PYCR2: variants seen among roughly 807,000 people sequenced by gnomAD.
PYCR2 encodes the protein pyrroline-5-carboxylate reductase 2, also known as P5C reductase 2.
PYCR2 carries 17 observed loss-of-function variants against 23.4 expected under a neutral mutation model. The observed-to-expected ratio is 0.73, with a 90% CI of 0.50 to 1.09. The LOEUF (loss-of-function observed/expected upper bound fraction) is 1.09, where lower values mean the gene tolerates loss of function less well. Ranked by LOEUF, PYCR2 falls within the 50% of genes least tolerant of loss-of-function variation. The pLI is 0.00. For synonymous variants in PYCR2, 172 were observed against 176.6 expected (o/e 0.97, Z 0.21); for missense variants, 380 against 423.5 (o/e 0.90, Z 0.90).
chr1:225,923,544 C>T (rs914219767), intron 2 of PYCR2, 157 bp downstream of exon 2: 1 of 1,480,320 alleles, frequency 6.8e-7, no homozygotes, highest in Non-Finnish European at 9.0e-7. Flanking sequence ...ATTGAGCTGC[C>T]CAAGAGAAGG....
intron 6 of PYCR2, among the ~76,000 whole-genome samples, chr1:225,920,867 G>A (rs141042625): frequency 7.9e-5 from 12 of 152,224 alleles, no homozygotes; most frequent in Non-Finnish European, 7.4e-5. Flanking sequence ...GTGATCACAC[G>A]GGAAGAGTGA....
In PYCR2 at chr1:225,922,270, G is replaced by C. The variant is rs532086186; in HGVS notation, c.252C>G (p.Ala84=). The part of the protein sequence containing the change: ...IIPFILDEIG[A]DVQARHIVVS... ...CCACGATGTGTCTGGCTTGCACGTC[G>C]GCCCCAATCTCATCCAGGATGAAGG... The change falls in exon 3 of 7, where the codon GCC becomes GCG. Residue 84 remains alanine, a synonymous_variant. Transcript: ENST00000343818. The C allele has an allele frequency of 5.2e-5, 84 of 1,614,166 alleles. No homozygotes were observed. The South Asian group carries it at 7.9e-4, about 15-fold the overall frequency.
At chr1:225,922,435 A>C in intron 2 of PYCR2, 52 bp from the exon 3 acceptor site, 1 of 1,571,240 alleles carries the variant, frequency 6.4e-7, no homozygotes, top group Non-Finnish European at 8.7e-7. Flanking sequence ...GGCTATGCCA[A>C]GGCCTCCCAG....
At position 225,921,717 on chromosome 1, in the gene PYCR2, T is replaced by C. The variant is rs1428455570; in HGVS notation, c.541-73A>G. ...TTCCTTAGGTCTGCTTTCTGATGAC[T>C]AGAACTAGCTCCAAGGGTCAGCATC... On this transcript the variant is annotated intron_variant, in intron 4 of 6. Transcript: ENST00000343818. The surrounding 1 kb of genome is among the most constrained non-coding windows in gnomAD (Gnocchi z 4.2). 17 of 1,591,482 alleles carry C rather than the reference T, an allele frequency of 1.1e-5. No individual in the cohort carries two copies. The East Asian group carries it at 3.1e-4, about 29-fold the overall frequency.
chr1:225,920,243 C>A lies in PYCR2; in HGVS notation c.*212G>T, dbSNP rs1355543738. ...TCCAGCATCTACCACCCCTTCAGAG[C>A]AACTTCCAACATGGGACAGGAGAGG... On this transcript the variant is annotated 3_prime_UTR_variant, in exon 7 of 7. Coordinates refer to ENST00000343818, the MANE Select transcript of PYCR2 (RefSeq NM_013328.4). 2.6e-6 allele frequency: 1 copy of A among 380,094 alleles called. No homozygotes were observed. Among genetic ancestry groups the A allele is most frequent in the Non-Finnish European group, 4.6e-6 (1 of 217,822 alleles). 23.5% of individuals were successfully genotyped at this position (380,094 alleles called of 1,614,324 possible). A position where few individuals can be genotyped will look rare whatever the true frequency, so the allele number is the denominator to read the frequency against.
chr1:225,920,454 C>T lies in PYCR2; in HGVS notation c.*1G>A, dbSNP rs952129240. 2 of 1,441,028 alleles carry T rather than the reference C, an allele frequency of 1.4e-6. No homozygotes were observed. Among genetic ancestry groups the T allele is most frequent in the Non-Finnish European group, 1.9e-6 (2 of 1,063,032 alleles). The allele number at this position is 1,441,028 out of a possible 1,614,324, so 89.3% of individuals were successfully genotyped here. Reference sequence around the variant, plus strand: ...GAATCACAGAGGGGACAGATGCTGCCTTAGTCCTTCTTGCCTCCCAGGGCC... The same window carrying T: ...GAATCACAGAGGGGACAGATGCTGCTTTAGTCCTTCTTGCCTCCCAGGGCC... On this transcript the variant is annotated 3_prime_UTR_variant, in exon 7 of 7. Coordinates refer to ENST00000343818, the MANE Select transcript of PYCR2 (RefSeq NM_013328.4).
rs1303391695 is a variant in PYCR2, at chr1:225,924,171, A to T, written c.-61T>A. The T allele has an allele frequency of 6.7e-7, 1 of 1,497,402 alleles. No homozygotes were observed. The highest frequency in any genetic ancestry group is 8.9e-7 in the Non-Finnish European group (1 of 1,121,586). 92.8% of individuals were successfully genotyped at this position (1,497,402 alleles called of 1,614,324 possible). ...CCCCCTCAGCGAGGGACCGGAAGTA[A>T]CGCTAGGGGAAGGGCGGACAGCGCA... On this transcript the variant is annotated 5_prime_UTR_variant, in exon 1 of 7. Coordinates refer to ENST00000343818, the MANE Select transcript of PYCR2 (RefSeq NM_013328.4).
At chr1:225,923,577 G>A in intron 2 of PYCR2, 124 bp downstream of exon 2, 1 of 1,558,388 alleles carries the variant, frequency 6.4e-7, no homozygotes, top group Non-Finnish European at 8.7e-7. Flanking sequence ...CACGTTCCTG[G>A]AGTAAAGGTC....
At chr1:225,923,540 C>A (rs1476643087) in intron 2 of PYCR2, 161 bp downstream of exon 2, 2 of 1,468,764 alleles carry the variant, frequency 1.4e-6, no homozygotes, top group Non-Finnish European at 9.0e-7. Flanking sequence ...CCACATTGAG[C>A]TGCCCAAGAG....
chr1:225,923,391 GA>G lies in PYCR2; in HGVS notation c.138+309del, dbSNP rs146823965. On this transcript the variant is annotated intron_variant, in intron 2 of 6. Coordinates refer to ENST00000343818, the MANE Select transcript of PYCR2 (RefSeq NM_013328.4). ...TGGGCGACAGAGTAAGACCCTGTCTGAAAAAAAATTTAAAAAATGAGTATTT... is the reference window on the plus strand; with the variant it reads ...TGGGCGACAGAGTAAGACCCTGTCTGAAAAAAATTTAAAAAATGAGTATTT... The G allele has an allele frequency of 1.7e-3, 1,818 of 1,090,836 alleles. 23 individuals are homozygous for G. The African/African-American group carries it at 0.027, about 16-fold the overall frequency. The allele number at this position is 1,090,836 out of a possible 1,614,324, so 67.6% of individuals were successfully genotyped here.
At chr1:225,923,994 T>A (rs1671920796) in intron 1 of PYCR2, 50 bp downstream of exon 1, 12 of 1,527,468 alleles carry the variant, frequency 7.9e-6, no homozygotes, top group Non-Finnish European at 1.1e-5. Context: ...GGAGGCCCCC[T>A]CGGGCCTCGG....
chr1:225,921,723 T>C lies in PYCR2; in HGVS notation c.541-79A>G. ...AGGTCTGCTTTCTGATGACTAGAACTAGCTCCAAGGGTCAGCATCCTGTAC... is the reference window on the plus strand; with the variant it reads ...AGGTCTGCTTTCTGATGACTAGAACCAGCTCCAAGGGTCAGCATCCTGTAC... On this transcript the variant is annotated intron_variant, in intron 4 of 6. Transcript: ENST00000343818. The surrounding 1 kb of genome is among the most constrained non-coding windows in gnomAD (Gnocchi z 4.2). 6.3e-7 allele frequency: 1 copy of C among 1,587,988 alleles called. No individual in the cohort carries two copies.
rs371625176 is a variant in PYCR2, at chr1:225,923,707, C to A, written c.132G>T (p.Ala44=). The A allele has an allele frequency of 5.6e-6, 9 of 1,614,026 alleles. No homozygotes were observed. The African/African-American group carries it at 6.7e-5, about 12-fold the overall frequency. The change falls in exon 2 of 7, where the codon GCG becomes GCT. Residue 44 remains alanine (A), a synonymous_variant. Transcript: ENST00000343818. ...TCCGCCCGGCTCCACCTACCCTGAG[C>A]GCGGACACCGTGGGCAGGTTCATTT... ...SPEMNLPTVS[A]LRKMGVNLTR... is the part of the protein sequence containing the mutation.
chr1:225,922,954 G>C, intron 2 of PYCR2: 3 of 933,482 alleles, frequency 3.2e-6, no homozygotes, highest in Non-Finnish European at 2.6e-6. Flanking sequence ...ACAGGTTTTG[G>C]GTGAAGACTT....
At position 225,920,633 on chromosome 1, in the gene PYCR2, C is replaced by T. The variant is rs1671811346; in HGVS notation, c.798-13G>A. 10 of 1,612,370 alleles carry T rather than the reference C, an allele frequency of 6.2e-6. No individual in the cohort carries two copies. Among genetic ancestry groups the T allele is most frequent in the Non-Finnish European group, 7.6e-6 (9 of 1,178,494 alleles). On this transcript the variant is annotated splice_polypyrimidine_tract_variant and intron_variant, in intron 6 of 6. Coordinates refer to ENST00000343818, the MANE Select transcript of PYCR2 (RefSeq NM_013328.4). The stretch of plus-strand genomic sequence containing the variant: ...GGACTGTAGCTCTCTGCAGACAAAA[C>T]CCCAGAAGGATTAAAGGAAGGCAAT...
Position 225,922,060 on chromosome 1 carries a change from G to A in PYCR2, c.338C>T (p.Pro113Leu). The A allele has an allele frequency of 1.9e-6, 3 of 1,614,072 alleles. No homozygotes were observed. The highest frequency in any genetic ancestry group is 2.5e-6 in the Non-Finnish European group (3 of 1,179,980). The change falls in exon 4 of 7, where the codon CCA becomes CTA. Residue 113 changes from proline to leucine, a missense_variant. Pro to Leu is a moderately conservative substitution (Grantham distance 98, BLOSUM62 -3). Transcript: ENST00000343818. ...SVEKKLMAFQ[P>L]APKVIRCMTN... ...CATGCAGCGAATCACTTTGGGGGCTGGCTGGAATGCCATCAGCTTCTAGGG... is the reference window on the plus strand; with the variant it reads ...CATGCAGCGAATCACTTTGGGGGCTAGCTGGAATGCCATCAGCTTCTAGGG...
At position 225,922,083 on chromosome 1, in the gene PYCR2, G is replaced by A. The variant is rs2102672696; in HGVS notation, c.319-4C>T. The A allele has an allele frequency of 1.2e-6, 2 of 1,613,320 alleles. No individual in the cohort carries two copies. Among genetic ancestry groups the A allele is most frequent in the East Asian group, 2.2e-5 (1 of 44,858 alleles). On this transcript the variant is annotated splice_polypyrimidine_tract_variant and splice_region_variant and intron_variant, in intron 3 of 6. Transcript: ENST00000343818. The stretch of plus-strand genomic sequence containing the variant: ...CTGGCTGGAATGCCATCAGCTTCTA[G>A]GGTGAGGGAGAGAGCCGAATGAGTG...
intron 2 of PYCR2, 45 bp from the exon 3 acceptor site, chr1:225,922,428 TA>T: frequency 6.3e-7 from 1 of 1,579,844 alleles, no homozygotes; most frequent in Non-Finnish European, 8.6e-7. Flanking sequence ...GCAGCCTGGC[TA>T]TGCCAAGGCC....
Position 225,920,268 on chromosome 1 carries a change from G to A in PYCR2, c.*187C>T. The A allele has an allele frequency of 4.3e-6, 2 of 464,006 alleles. No individual in the cohort carries two copies. The highest frequency in any genetic ancestry group is 7.2e-6 in the Non-Finnish European group (2 of 278,884). The allele number at this position is 464,006 out of a possible 1,614,324, so 28.7% of individuals were successfully genotyped here. Reference sequence around the variant, plus strand: ...CAACTTCCAACATGGGACAGGAGAGGAAGCTCGCATTGCTTGGTCTGAACA... The same window carrying A: ...CAACTTCCAACATGGGACAGGAGAGAAAGCTCGCATTGCTTGGTCTGAACA... On this transcript the variant is annotated 3_prime_UTR_variant, in exon 7 of 7. Coordinates refer to ENST00000343818, the MANE Select transcript of PYCR2 (RefSeq NM_013328.4).
Sources: gnomAD v4.1 joint callset for allele counts (sites outside exome capture counted in the v4.1 genomes callset) on GRCh38, gnomAD v4.1.1 for gene constraint, Gnocchi (gnomAD v3.1) non-coding constraint, MANE v1.5 for transcripts, NCBI Gene and HGNC (gene_info 2026-07-23, HGNC 2026-07-21) for gene names.